Variants in RPS6KA2 observed in about 807,000 individuals in gnomAD.
The protein encoded by RPS6KA2 is ribosomal protein S6 kinase alpha-2.
Under a neutral mutation model 91.8 loss-of-function variants are expected in RPS6KA2, and 42 were observed. That is an observed-to-expected ratio of 0.46 (90% CI 0.36 to 0.59). The LOEUF (loss-of-function observed/expected upper bound fraction) is 0.59, where lower values mean the gene tolerates loss of function less well. Among genes scored for constraint, RPS6KA2 ranks in the 20% least tolerant of loss-of-function variants. The pLI, the probability that RPS6KA2 is intolerant of heterozygous loss-of-function variation, is 0.00. For synonymous variants in RPS6KA2, 414 were observed against 393.6 expected (o/e 1.05, Z -0.61); for missense variants, 798 against 978.5 (o/e 0.82, Z 2.46).
At chr6:166,594,311 A>G (rs977345585) in intron 1 of RPS6KA2, among the ~76,000 whole-genome samples, 5 of 152,372 alleles carry the variant, frequency 3.3e-5, no homozygotes, top group African/African-American at 1.2e-4. Flanking sequence ...TCTAAAGTAG[A>G]AAATGTTAAA....
At chr6:166,777,392 G>A (rs1254394148) in intron 2 of RPS6KA2, among the ~76,000 whole-genome samples, 12 of 152,144 alleles carry the variant, frequency 7.9e-5, no homozygotes, top group African/African-American at 1.9e-4. Flanking sequence ...CCAGAACTCC[G>A]CTGAAGGGAC....
chr6:166,591,688 G>A (rs1381721112), intron 1 of RPS6KA2, among the ~76,000 whole-genome samples: 1 of 152,198 alleles, frequency 6.6e-6, no homozygotes, highest in Non-Finnish European at 1.5e-5. Flanking sequence ...TCTTGCCCAG[G>A]TATAGTCTCG....
At chr6:166,717,250 G>A (rs745512005) in intron 2 of RPS6KA2, among the ~76,000 whole-genome samples, 18 of 152,204 alleles carry the variant, frequency 1.2e-4, no homozygotes, top group Non-Finnish European at 2.4e-4. Flanking sequence ...GCAGAGCATT[G>A]CAAAGAGGTT....
chr6:166,555,134 A>T (rs1181760004), intron 1 of RPS6KA2, among the ~76,000 whole-genome samples: 2 of 152,200 alleles, frequency 1.3e-5, no homozygotes, highest in African/African-American at 4.8e-5. Flanking sequence ...TAGGTTTTAC[A>T]ATGGGAAAGG....
chr6:166,854,062 A>G (rs1191159684), intron 2 of RPS6KA2, among the ~76,000 whole-genome samples: 2 of 152,244 alleles, frequency 1.3e-5, no homozygotes, highest in Non-Finnish European at 1.5e-5. Flanking sequence ...GTTGTTCAGA[A>G]TATGAAGGAT....
At chr6:166,832,036 T>TGATTGATAGATA (rs1391392635) in intron 2 of RPS6KA2, among the ~76,000 whole-genome samples, 11 of 147,936 alleles carry the variant, frequency 7.4e-5, no homozygotes, top group African/African-American at 2.8e-4. Flanking sequence ...AGATGATACA[T>TGATTGATAGATA]GATAGATAGA....
At chr6:166,783,782 AT>A (rs1757798996) in intron 2 of RPS6KA2, among the ~76,000 whole-genome samples, 1 of 139,238 alleles carries the variant, frequency 7.2e-6, no homozygotes, top group African/African-American at 2.8e-5. Flanking sequence ...ACATCTATCT[AT>A]AACTACATAT....
intron 1 of RPS6KA2, among the ~76,000 whole-genome samples, chr6:166,541,605 G>A (rs570568126): frequency 4.6e-5 from 7 of 152,232 alleles, no homozygotes; most frequent in East Asian, 1.9e-4. Context: ...CAGTCAGCCC[G>A]TTTTTTAGGC....
At chr6:166,820,249 C>T (rs1779874236) in intron 2 of RPS6KA2, among the ~76,000 whole-genome samples, 1 of 152,104 alleles carries the variant, frequency 6.6e-6, no homozygotes, top group African/African-American at 2.4e-5. Flanking sequence ...TAAAACTGCC[C>T]CACCCACCGA....
intron 2 of RPS6KA2, among the ~76,000 whole-genome samples, chr6:166,693,024 A>G (rs1304446799): frequency 6.6e-6 from 1 of 152,216 alleles, no homozygotes; most frequent in East Asian, 1.9e-4. Context: ...GAGGCAGTTG[A>G]TTGCAGCAAG....
At chr6:166,774,023 A>G (rs1778548889) in intron 2 of RPS6KA2, among the ~76,000 whole-genome samples, 1 of 152,190 alleles carries the variant, frequency 6.6e-6, no homozygotes, top group South Asian at 2.1e-4. Context: ...AACCTTTTGG[A>G]AAAAAATATG....
intron 14 of RPS6KA2, among the ~76,000 whole-genome samples, chr6:166,439,140 T>C (rs568544514): frequency 5.3e-5 from 8 of 152,030 alleles, no homozygotes; most frequent in African/African-American, 1.9e-4. Context: ...ATGGAGTCTC[T>C]CTCTGTCGCC....
Position 166,626,961 on chromosome 6 carries a change from C to T in RPS6KA2, c.59G>A (p.Arg20Lys). 1 of 1,567,024 alleles carries T rather than the reference C, an allele frequency of 6.4e-7. No individual in the cohort carries two copies. Among genetic ancestry groups the T allele is most frequent in the Non-Finnish European group, 8.6e-7 (1 of 1,156,230 alleles). The change falls in exon 1 of 21, where the codon AGG becomes AAG. Residue 20 changes from arginine (R) to lysine (K), a missense_variant. Arg to Lys is a conservative substitution (Grantham distance 26). Transcript: ENST00000265678. This position sits in a 1 kb window ranked among gnomAD's most constrained non-coding sequence, Gnocchi z 4.1. Reference sequence around the variant, plus strand: ...GCTGGAGCTCTTGGAGCGCGACTTCCTGCGCAGGTACACAGAGAAGAACCT... The same window carrying T: ...GCTGGAGCTCTTGGAGCGCGACTTCTTGCGCAGGTACACAGAGAAGAACCT... ...VRRFFSVYLR[R>K]KSRSKSSSLS...
At chr6:166,803,241 T>C (rs1027224277) in intron 2 of RPS6KA2, among the ~76,000 whole-genome samples, 2 of 152,234 alleles carry the variant, frequency 1.3e-5, no homozygotes, top group African/African-American at 4.8e-5. Context: ...GCGATCTTTT[T>C]AGAAGTTTGC....
rs568673300 is a variant in RPS6KA2 at position 166,512,446 on chromosome 6, A to C, written c.299-2089T>G. Among the ~76,000 whole-genome samples, 39 of 152,360 alleles carry C rather than the reference A, an allele frequency of 2.6e-4. No homozygotes were observed. In the South Asian group the frequency reaches 8.1e-3, roughly 32 times the overall value. ...TCACTTACAAATGGTTAAAATGATC[A>C]ATATTATGTTATATATGTCTTACCA... On this transcript the variant is annotated intron_variant, in intron 3 of 20. Transcript: ENST00000265678.
At chr6:166,498,136 G>C (rs967285718) in intron 8 of RPS6KA2, among the ~76,000 whole-genome samples, 4 of 152,220 alleles carry the variant, frequency 2.6e-5, no homozygotes, top group Admixed American at 2.0e-4. Context: ...GCCTAACTCC[G>C]TGTACATCTC....
intron 2 of RPS6KA2, chr6:166,701,723 G>A: frequency 7.7e-7 from 1 of 1,303,404 alleles, no homozygotes; most frequent in Non-Finnish European, 1.1e-6. Context: ...AAGGCGTTCA[G>A]ATTTAATCCA....
intron 5 of RPS6KA2, among the ~76,000 whole-genome samples, chr6:166,505,798 C>T (rs778302771): frequency 5.9e-5 from 9 of 152,182 alleles, no homozygotes; most frequent in African/African-American, 9.7e-5. Flanking sequence ...GCGCCTTTCC[C>T]GGATGTATGT....
At chr6:166,505,755 C>T (rs879857181) in intron 5 of RPS6KA2, among the ~76,000 whole-genome samples, 4 of 152,246 alleles carry the variant, frequency 2.6e-5, no homozygotes, top group Admixed American at 6.5e-5. Context: ...CACCGGCCCC[C>T]CGAGTCCCCG....
Sources: allele counts gnomAD v4.1 joint callset (sites outside exome capture counted in the v4.1 genomes callset), GRCh38; gene constraint gnomAD v4.1.1; non-coding constraint Gnocchi (gnomAD v3.1); transcripts MANE v1.5; gene names NCBI Gene and HGNC (gene_info 2026-07-23, HGNC 2026-07-21).